SH3BP2: variants seen among roughly 807,000 people sequenced by gnomAD.
SH3BP2 encodes the protein SH3 domain-binding protein 2.
A neutral mutation model predicts 56.2 loss-of-function variants in SH3BP2; 38 were observed. The ratio of observed to expected loss-of-function variants is 0.68; its 90% confidence interval spans 0.52 to 0.89. The LOEUF is 0.89. Among genes scored for constraint, SH3BP2 ranks in the 40% least tolerant of loss-of-function variants. SH3BP2 has a pLI of 0.00. For missense variants in SH3BP2, 748 were observed against 762.6 expected (o/e 0.98, Z 0.23); for synonymous variants, 346 against 316.7 (o/e 1.09, Z -0.98).
At chr4:2,822,908 C>T (rs1222529785) in intron 2 of SH3BP2, 27 bp from the exon 3 acceptor site, 3 of 1,592,476 alleles carry the variant, frequency 1.9e-6, no homozygotes, top group Non-Finnish European at 2.6e-6. Context: ...TCCAGGCTCA[C>T]CTTCCTGCCC....
In SH3BP2 at chr4:2,837,908, T is replaced by G. The variant is rs969446359; in HGVS notation, c.*4074T>G. On this transcript the variant is annotated 3_prime_UTR_variant, in exon 13 of 13. Transcript: ENST00000503393. ...CCACCTCAGAAGTGTGTGTGAGTGG[T>G]GAACCCTTTTAAGCCATCTTCCAGC... 1.3e-4 allele frequency: 20 copies of G among 152,342 alleles called. No individual in the cohort carries two copies. The highest frequency in any genetic ancestry group is 4.6e-4 in the African/African-American group (19 of 41,520). The allele number at this position is 152,342 out of a possible 1,614,324, so 9.4% of individuals were successfully genotyped here.
At position 2,840,572 on chromosome 4, in the gene SH3BP2, A is replaced by G. The variant is rs1399811632; in HGVS notation, c.*6738A>G. 1 of 152,198 alleles carries G rather than the reference A, an allele frequency of 6.6e-6. No homozygotes were observed. Among genetic ancestry groups the G allele is most frequent in the Non-Finnish European group, 1.5e-5 (1 of 68,030 alleles). 9.4% of individuals were successfully genotyped at this position (152,198 alleles called of 1,614,324 possible). A position where few individuals can be genotyped will look rare whatever the true frequency, so the allele number is the denominator to read the frequency against. ...CATTAGTCTGTCTGTTCTTGTGCCA[A>G]TATCAAGCTGTCTTCATTATTATCA... On this transcript the variant is annotated 3_prime_UTR_variant, in exon 13 of 13. Transcript: ENST00000503393.
At position 2,820,686 on chromosome 4, in the gene SH3BP2, GC is replaced by G; in HGVS notation, c.71del (p.Pro24LeufsTer21). Reference sequence around the variant, plus strand: ...TTGGTGCCCAGAACCTGCTAACCATGCCTGGGGGCGTGGCCAAGGCTGGCTA... The same window carrying G: ...TTGGTGCCCAGAACCTGCTAACCATGCTGGGGGCGTGGCCAAGGCTGGCTA... ...AIGAQNLLTMPGGVAKAGYLH... is the reference protein window; with the variant it reads ...AIGAQNLLTMXGGVAKAGYLH... On this transcript the variant is annotated frameshift_variant, in exon 2 of 13. Coordinates refer to ENST00000503393, the MANE Select transcript of SH3BP2 (RefSeq NM_001122681.2). LOFTEE classifies it high-confidence loss of function. The G allele has an allele frequency of 6.2e-7, 1 of 1,614,188 alleles. No homozygotes were observed. Among genetic ancestry groups the G allele is most frequent in the Admixed American group, 1.7e-5 (1 of 60,020 alleles).
At chr4:2,815,634 A>G (rs1723960077) in intron 1 of SH3BP2, among the ~76,000 whole-genome samples, 1 of 152,166 alleles carries the variant, frequency 6.6e-6, no homozygotes, top group African/African-American at 2.4e-5. Flanking sequence ...TCCCACTTTG[A>G]CACACAGGCC....
rs761548883 is a variant in SH3BP2, at chr4:2,829,763, C to CT, written c.857_858insT (p.Thr287HisfsTer46). The CT allele has an allele frequency of 1.4e-5, 23 of 1,612,978 alleles. No homozygotes were observed. ...AGCGATCCCCCTCTGAGCACCATGC[C>CT]CACCGCACCCGGCCTCCGGAAACCC... On this transcript the variant is annotated frameshift_variant, in exon 8 of 13. Transcript: ENST00000503393. LOFTEE classifies it high-confidence loss of function. This position sits in a 1 kb window ranked among gnomAD's most constrained non-coding sequence, Gnocchi z 4.9.
intron 1 of SH3BP2, among the ~76,000 whole-genome samples, chr4:2,807,117 C>G (rs1035783031): frequency 2.0e-5 from 3 of 152,244 alleles, no homozygotes; most frequent in African/African-American, 7.2e-5. Context: ...TCCAGTGCAC[C>G]AGCCTTTCTC....
intron 1 of SH3BP2, among the ~76,000 whole-genome samples, chr4:2,797,063 C>G (rs1723089546): frequency 6.6e-6 from 1 of 152,118 alleles, no homozygotes; most frequent in Admixed American, 6.6e-5. Flanking sequence ...ATGGGCAGCT[C>G]CGTTTGGGGG....
At position 2,824,944 on chromosome 4, in the gene SH3BP2, C is replaced by T. The variant is rs73794809; in HGVS notation, c.358-182C>T. 4.3e-3 allele frequency: 2,947 copies of T among 691,170 alleles called. 68 individuals are homozygous for T. The African/African-American group carries it at 0.047, about 11-fold the overall frequency. The allele number at this position is 691,170 out of a possible 1,614,324, so 42.8% of individuals were successfully genotyped here. ...CTGGTGCCAGCGCCCACACAAGGAA[C>T]ATGCTGTCCTGGGAGGTGCCCCTGT... On this transcript the variant is annotated intron_variant, in intron 4 of 12. Transcript: ENST00000503393.
chr4:2,816,700 G>A (rs1424973528), intron 1 of SH3BP2, among the ~76,000 whole-genome samples: 1 of 152,168 alleles, frequency 6.6e-6, no homozygotes, highest in African/African-American at 2.4e-5. Flanking sequence ...TCAAAATCAT[G>A]TGGTTGTCCT....
intron 1 of SH3BP2, among the ~76,000 whole-genome samples, chr4:2,802,402 ATATGTGTGTG>A (rs1436514238): frequency 5.4e-4 from 54 of 100,486 alleles, no homozygotes; most frequent in African/African-American, 1.2e-3. Context: ...TCAAAAAAAT[ATATGTGTGTG>A]TGTGTGTGTG....
rs1577379173 is a variant in SH3BP2, at chr4:2,839,737, T to A, written c.*5903T>A. On this transcript the variant is annotated 3_prime_UTR_variant, in exon 13 of 13. Transcript: ENST00000503393. ...CACGCACTTCCATGTCCAGATAATT[T>A]TTTTTTTTTTTTTAGAGATAGGATC... The A allele has an allele frequency of 7.0e-6, 1 of 142,228 alleles. No homozygotes were observed. Among genetic ancestry groups the A allele is most frequent in the African/African-American group, 3.0e-5 (1 of 32,876 alleles). The allele number at this position is 142,228 out of a possible 1,614,324, so 8.8% of individuals were successfully genotyped here. A position where few individuals can be genotyped will look rare whatever the true frequency, so the allele number is the denominator to read the frequency against.
chr4:2,820,799 C>G, intron 2 of SH3BP2, 46 bp downstream of exon 2: 3 of 1,565,206 alleles, frequency 1.9e-6, no homozygotes, highest in Admixed American at 3.7e-5. Context: ...GGCATGGGGG[C>G]AGGGCTAGCC....
intron 2 of SH3BP2, among the ~76,000 whole-genome samples, chr4:2,821,242 G>A (rs1724289286): frequency 6.6e-6 from 1 of 152,230 alleles, no homozygotes; most frequent in Non-Finnish European, 1.5e-5. Context: ...GATACTGAAG[G>A]CCAAGAGCAT....
chr4:2,816,098 A>C (rs922811446), intron 1 of SH3BP2, among the ~76,000 whole-genome samples: 1 of 151,750 alleles, frequency 6.6e-6, no homozygotes, highest in Admixed American at 6.6e-5. Context: ...CTTGTTCCCC[A>C]GGCTGGAGTG....
chr4:2,799,870 T>C (rs1474840622), intron 1 of SH3BP2, among the ~76,000 whole-genome samples: 1 of 152,050 alleles, frequency 6.6e-6, no homozygotes, highest in East Asian at 1.9e-4. Flanking sequence ...AAAGACACCC[T>C]GGTTTTGAAA....
intron 10 of SH3BP2, 97 bp from the exon 11 acceptor site, chr4:2,832,234 G>A (rs1039957012): frequency 7.8e-6 from 9 of 1,158,124 alleles, no homozygotes; most frequent in Middle Eastern, 1.9e-4. Flanking sequence ...CTACAACAGC[G>A]AGAGGACAGA....
chr4:2,800,680 C>G (rs184331148), intron 1 of SH3BP2, among the ~76,000 whole-genome samples: 1 of 152,140 alleles, frequency 6.6e-6, no homozygotes, highest in Non-Finnish European at 1.5e-5. Context: ...CCTCGGCTCC[C>G]ACGGGTCTGG....
At chr4:2,804,903 G>A (rs995383098) in intron 1 of SH3BP2, among the ~76,000 whole-genome samples, 25 of 152,376 alleles carry the variant, frequency 1.6e-4, no homozygotes, top group African/African-American at 5.8e-4. Context: ...ACTCAGCCTC[G>A]AGGTCCTAAT....
chr4:2,802,404 ATGTGTGTGTGTGTGTG>A (rs1175501543), intron 1 of SH3BP2, among the ~76,000 whole-genome samples: 8 of 135,976 alleles, frequency 5.9e-5, no homozygotes, highest in African/African-American at 1.7e-4. Context: ...AAAAAAATAT[ATGTGTGTGTGTGTGTG>A]TGTGTGTGTG....
Sources: gnomAD v4.1 joint callset for allele counts (sites outside exome capture counted in the v4.1 genomes callset) on GRCh38, gnomAD v4.1.1 for gene constraint, Gnocchi (gnomAD v3.1) non-coding constraint, MANE v1.5 for transcripts, NCBI Gene and HGNC (gene_info 2026-07-23, HGNC 2026-07-21) for gene names.